The following CELF2 variants were observed in gnomAD, a reference collection of about 807,000 sequenced individuals.
CELF2 encodes the protein CUGBP Elav-like family member 2.
Under a neutral mutation model 62.6 loss-of-function variants are expected in CELF2, and 8 were observed. The ratio of observed to expected loss-of-function variants is 0.13; its 90% CI spans 0.07 to 0.23. The LOEUF (loss-of-function observed/expected upper bound fraction) is 0.23. Ranked by LOEUF, CELF2 falls within the 10% of genes least tolerant of loss-of-function variation. CELF2 has a pLI of 1.00. For synonymous variants in CELF2, 258 were observed against 250.0 expected (o/e 1.03, Z -0.30); for missense variants, 333 against 671.0 (o/e 0.50, Z 5.56).
the CELF2 span, among the ~76,000 whole-genome samples, chr10:10,648,107 A>G: frequency 0.27 from 41,225 of 151,894 alleles, 5,773 homozygotes; most frequent in South Asian, 0.46. Context: ...ATACGATTTT[A>G]TCCACTGCCC....
chr10:11,274,144 G>A (rs1023719664), intron 7 of CELF2, among the ~76,000 whole-genome samples: 1 of 152,192 alleles, frequency 6.6e-6, no homozygotes, highest in African/African-American at 2.4e-5. Context: ...TGGTATCCAT[G>A]TACATTTGAA....
At chr10:11,065,310 A>G (rs1456815338) in intron 1 of CELF2, among the ~76,000 whole-genome samples, 1 of 152,242 alleles carries the variant, frequency 6.6e-6, no homozygotes, top group Non-Finnish European at 1.5e-5. Context: ...ATTTTCAAAA[A>G]TGTGAGATTA....
At chr10:10,846,045 A>G in intron 1 of CELF2, 1 of 943,118 alleles carries the variant, frequency 1.1e-6, no homozygotes, top group Non-Finnish European at 1.3e-6. Context: ...TTAACCTGTG[A>G]ACCCCCTTTC....
At chr10:10,693,406 T>G in the CELF2 span, among the ~76,000 whole-genome samples, 7 of 148,194 alleles carry the variant, frequency 4.7e-5, no homozygotes, top group Non-Finnish European at 1.0e-4. Context: ...GCTGGATTCG[T>G]TTTGCCAGTA....
At chr10:10,666,586 G>GTTTAACCTTTA in the CELF2 span, among the ~76,000 whole-genome samples, 30 of 138,344 alleles carry the variant, frequency 2.2e-4, no homozygotes, top group African/African-American at 4.0e-4. Flanking sequence ...AAAGAGGCCG[G>GTTTAACCTTTA]GCGCGGTGGC....
chr10:11,155,359 G>T (rs571874118), intron 1 of CELF2, among the ~76,000 whole-genome samples: 1 of 148,546 alleles, frequency 6.7e-6, no homozygotes, highest in Non-Finnish European at 1.5e-5. Flanking sequence ...AGACCCTGGT[G>T]TCTGCCCTCA....
chr10:10,486,224 C>A, the CELF2 span, among the ~76,000 whole-genome samples: 1 of 152,152 alleles, frequency 6.6e-6, no homozygotes, highest in African/African-American at 2.4e-5. Context: ...GGAAAACAAT[C>A]AACAGATAAT....
intron 1 of CELF2, among the ~76,000 whole-genome samples, chr10:11,092,767 T>C (rs1281484604): frequency 1.3e-5 from 2 of 152,228 alleles, no homozygotes; most frequent in Non-Finnish European, 2.9e-5. Flanking sequence ...AGAGTGGCCC[T>C]CTTGCCTGTG....
At chr10:10,475,239 A>G in the CELF2 span, among the ~76,000 whole-genome samples, 1 of 152,012 alleles carries the variant, frequency 6.6e-6, no homozygotes, top group African/African-American at 2.4e-5. Flanking sequence ...CTCGCTCAAA[A>G]TGAAGCAGAT....
chr10:10,727,176 A>G, the CELF2 span, among the ~76,000 whole-genome samples: 2 of 152,226 alleles, frequency 1.3e-5, no homozygotes, highest in Admixed American at 6.5e-5. Flanking sequence ...GTGGGGACAC[A>G]GATCCAAACC....
At chr10:10,584,448 G>A in the CELF2 span, among the ~76,000 whole-genome samples, 22 of 152,200 alleles carry the variant, frequency 1.4e-4, no homozygotes, top group Admixed American at 3.9e-4. Flanking sequence ...AAGTGTGGCC[G>A]CTGGCATTGG....
At chr10:11,097,609 CACTA>C (rs772112147) in intron 1 of CELF2, among the ~76,000 whole-genome samples, 2 of 152,342 alleles carry the variant, frequency 1.3e-5, no homozygotes, top group East Asian at 1.9e-4. Flanking sequence ...TTGGCACCAT[CACTA>C]ACTATCTTTG....
At chr10:10,702,774 C>G in the CELF2 span, among the ~76,000 whole-genome samples, 1 of 152,144 alleles carries the variant, frequency 6.6e-6, no homozygotes, top group Non-Finnish European at 1.5e-5. Context: ...TTAGTAGAGA[C>G]GGGTTTTCGC....
At chr10:10,996,263 G>A (rs2053937755) in intron 2 of CELF2, among the ~76,000 whole-genome samples, 2 of 152,202 alleles carry the variant, frequency 1.3e-5, no homozygotes, top group African/African-American at 4.8e-5. Flanking sequence ...TGGGTGCAGT[G>A]CCCCTACTCC....
intron 3 of CELF2, among the ~76,000 whole-genome samples, chr10:11,238,795 A>G (rs2072593631): frequency 6.6e-6 from 1 of 152,242 alleles, no homozygotes; most frequent in African/African-American, 2.4e-5. Flanking sequence ...TGAAAGCGGC[A>G]CACTCACACT....
the CELF2 span, among the ~76,000 whole-genome samples, chr10:10,486,075 G>A: frequency 6.6e-6 from 1 of 152,162 alleles, no homozygotes; most frequent in African/African-American, 2.4e-5. Context: ...TTCAGATATT[G>A]AAGAAATGCT....
chr10:11,138,572 C>T (rs1299274781), intron 1 of CELF2, among the ~76,000 whole-genome samples: 1 of 152,146 alleles, frequency 6.6e-6, no homozygotes, highest in Non-Finnish European at 1.5e-5. Flanking sequence ...GGTGCAAACT[C>T]GCAAAGAATT....
intron 10 of CELF2, chr10:11,317,916 G>T (rs962473548): frequency 6.6e-6 from 1 of 152,224 alleles, no homozygotes; most frequent in Non-Finnish European, 1.5e-5. Context: ...TAGCATGCAT[G>T]GGAATGGAGA....
At chr10:10,661,833 G>C in the CELF2 span, among the ~76,000 whole-genome samples, 4 of 152,184 alleles carry the variant, frequency 2.6e-5, no homozygotes, top group Non-Finnish European at 1.5e-5. Flanking sequence ...GTTAAGTAAA[G>C]AGGTGGTTTC....
Sources: allele counts gnomAD v4.1 joint callset (sites outside exome capture counted in the v4.1 genomes callset), GRCh38; gene constraint gnomAD v4.1.1; transcripts MANE v1.5; gene names NCBI Gene and HGNC (gene_info 2026-07-23, HGNC 2026-07-21).